PDZD2: variants seen among roughly 807,000 people sequenced by gnomAD.
PDZD2 encodes the protein PDZ domain containing 2, also known as PDZ domain-containing protein 2.
A neutral mutation model predicts 220.7 loss-of-function variants in PDZD2; 90 were observed. The observed-to-expected ratio is 0.41, with a 90% CI of 0.34 to 0.49. The LOEUF is 0.49. Ranked by LOEUF, PDZD2 falls within the 20% of genes least tolerant of loss-of-function variation. The pLI is 0.28. For missense variants in PDZD2, 3,174 were observed against 3,608.5 expected (o/e 0.88, Z 3.08); for synonymous variants, 1,375 against 1,450.5 (o/e 0.95, Z 1.18).
intron 2 of PDZD2, among the ~76,000 whole-genome samples, chr5:31,858,747 C>T (rs1048148636): frequency 1.4e-5 from 2 of 145,466 alleles, no homozygotes; most frequent in African/African-American, 5.0e-5. Flanking sequence ...GAGATGGAGT[C>T]TCCCTCTGTT....
intron 1 of PDZD2, among the ~76,000 whole-genome samples, chr5:31,795,026 G>A (rs1040317856): frequency 9.2e-5 from 14 of 152,188 alleles, no homozygotes; most frequent in Admixed American, 1.3e-4. Context: ...TGAATTTCGG[G>A]TGACCCTAGG....
In PDZD2 at chr5:31,639,198, G is replaced by A. The variant is rs572984638; in HGVS notation, c.-600G>A. 6.6e-5 allele frequency among the ~76,000 whole-genome samples: 10 copies of A among 151,988 alleles called. No homozygotes were observed. Among genetic ancestry groups the A allele is most frequent in the African/African-American group, 2.4e-4 (10 of 41,522 alleles). ...CCCAGCGCCGGTGCGTGCCGGCCCC[G>A]GGCAGCGGGACGCGGCGGGGCGGCG... On this transcript the variant is annotated 5_prime_UTR_variant, in exon 1 of 25. Transcript: ENST00000438447. The surrounding 1 kb of genome is among the most constrained non-coding windows in gnomAD (Gnocchi z 4.1).
rs372100139 is a variant in PDZD2, at chr5:32,048,604, C to T, written c.1585C>T (p.Arg529Trp). 30 of 1,613,872 alleles carry T rather than the reference C, an allele frequency of 1.9e-5. No individual in the cohort carries two copies. The highest frequency in any genetic ancestry group is 1.6e-4 in the Middle Eastern group (1 of 6,084). ...GCTGATGGTGCGGAATGGGGACCCC[C>T]GGATCCGGATGTTGGAGGTCTCCCG... Reference protein sequence around the residue: ...NELMVRNGDPRIRMLEVSRDG... With the variant: ...NELMVRNGDPWIRMLEVSRDG... The change falls in exon 8 of 25, where the codon CGG becomes TGG. Residue 529 changes from arginine (R) to tryptophan (W), a missense_variant. Coordinates refer to ENST00000438447, the MANE Select transcript of PDZD2 (RefSeq NM_178140.4).
intron 1 of PDZD2, among the ~76,000 whole-genome samples, chr5:31,786,155 T>C (rs13362096): frequency 0.024 from 3,579 of 152,244 alleles, 119 homozygotes; most frequent in African/African-American, 0.077. Context: ...TCAGTTGACA[T>C]AAGGTTGAAC....
Position 31,878,343 on chromosome 5 carries a change from A to G in PDZD2, c.476+78619A>G, listed in dbSNP as rs76501532. Reference sequence around the variant, plus strand: ...GGATCCATCCCTTCCCAGTGCTCCCATCAACCAGCCTATTTTACTAGAATG... The same window carrying G: ...GGATCCATCCCTTCCCAGTGCTCCCGTCAACCAGCCTATTTTACTAGAATG... On this transcript the variant is annotated intron_variant, in intron 2 of 24. Coordinates refer to ENST00000438447, the MANE Select transcript of PDZD2 (RefSeq NM_178140.4). 4.6e-3 allele frequency among the ~76,000 whole-genome samples: 698 copies of G among 152,094 alleles called. 16 individuals carry two copies. In the East Asian group the frequency reaches 0.058, roughly 13 times the overall value.
At chr5:32,074,688 ATG>A (rs1741123102) in intron 18 of PDZD2, 45 bp downstream of exon 18, 7 of 1,285,360 alleles carry the variant, frequency 5.4e-6, no homozygotes, top group Non-Finnish European at 7.6e-6. Flanking sequence ...GTGCATGAAT[ATG>A]TGTGAGTGAA....
rs192218575 is a variant in PDZD2, at chr5:31,959,222, C to T, written c.477-23933C>T. 2.5e-3 allele frequency among the ~76,000 whole-genome samples: 370 copies of T among 150,838 alleles called. 3 individuals carry two copies. Among genetic ancestry groups the T allele is most frequent in the Middle Eastern group, 0.01 (3 of 286 alleles). On this transcript the variant is annotated intron_variant, in intron 2 of 24. Coordinates refer to ENST00000438447, the MANE Select transcript of PDZD2 (RefSeq NM_178140.4). ...CTGGGATTACAGGCATGAGCCACTG[C>T]GCCTGGCAAAGCACTTTAATATATA...
intron 1 of PDZD2, among the ~76,000 whole-genome samples, chr5:31,717,726 C>T (rs894437373): frequency 6.6e-6 from 1 of 152,204 alleles, no homozygotes; most frequent in Admixed American, 6.5e-5. Flanking sequence ...CTCTGTGCCA[C>T]GCAGAGCCTG....
chr5:31,970,000 G>C (rs1249069768), intron 2 of PDZD2, among the ~76,000 whole-genome samples: 1 of 152,044 alleles, frequency 6.6e-6, no homozygotes, highest in African/African-American at 2.4e-5. Flanking sequence ...CCGGGTTCAA[G>C]CAGTTCTCCT....
intron 2 of PDZD2, among the ~76,000 whole-genome samples, chr5:31,813,469 AAAAAAAT>A (rs1279447894): frequency 2.6e-5 from 4 of 151,698 alleles, no homozygotes; most frequent in African/African-American, 9.7e-5. Context: ...AAAAAAAAAA[AAAAAAAT>A]CTAAATATTC....
At position 31,734,545 on chromosome 5, in the gene PDZD2, G is replaced by A. The variant is rs955330526; in HGVS notation, c.-360-64344G>A. ...TGTTGGCCAGGCTGGTCTCGAACTC[G>A]TGACCTCAGGTGATCCACCCACCTC... On this transcript the variant is annotated intron_variant, in intron 1 of 24. Transcript: ENST00000438447. Among the ~76,000 whole-genome samples the A allele has an allele frequency of 3.3e-5, 5 of 152,080 alleles. No individual in the cohort carries two copies. In the East Asian group the frequency reaches 5.8e-4, roughly 18 times the overall value.
At chr5:32,082,597 C>G (rs1742078649) in intron 19 of PDZD2, among the ~76,000 whole-genome samples, 1 of 152,086 alleles carries the variant, frequency 6.6e-6, no homozygotes, top group Non-Finnish European at 1.5e-5. Context: ...GGAACACAAT[C>G]TGGTACCTAA....
chr5:31,718,693 C>CT (rs1561404554), intron 1 of PDZD2, among the ~76,000 whole-genome samples: 1 of 130,484 alleles, frequency 7.7e-6, no homozygotes, highest in African/African-American at 2.8e-5. Flanking sequence ...GTAACAGCCT[C>CT]ATTTTTTTTT....
rs777915117 is a variant in PDZD2 at position 32,098,645 on chromosome 5, C to T, written c.8218+11C>T. The T allele has an allele frequency of 2.4e-5, 39 of 1,606,634 alleles. 3 individuals carry two copies. The South Asian group carries it at 4.3e-4, about 18-fold the overall frequency. ...TGGAGCCTGGCATTGGTAAGATGAT[C>T]ATTTCAACAACCAGCAGGCTGTGAG... On this transcript the variant is annotated intron_variant, in intron 23 of 24. Coordinates refer to ENST00000438447, the MANE Select transcript of PDZD2 (RefSeq NM_178140.4). The surrounding 1 kb of genome is among the most constrained non-coding windows in gnomAD (Gnocchi z 4.1).
At chr5:31,952,253 G>GCA (rs1394460432) in intron 2 of PDZD2, among the ~76,000 whole-genome samples, 5 of 152,220 alleles carry the variant, frequency 3.3e-5, no homozygotes, top group Admixed American at 3.3e-4. Context: ...ATTCTGAAAT[G>GCA]CAGGTTAGAG....
chr5:32,106,245 T>C, intron 24 of PDZD2: 1 of 153,050 alleles, frequency 6.5e-6, no homozygotes, highest in Non-Finnish European at 1.5e-5. Context: ...ACATGCAACC[T>C]AGATCCCTCG....
intron 14 of PDZD2, among the ~76,000 whole-genome samples, chr5:32,065,656 C>G (rs116086151): frequency 0.011 from 1,650 of 152,344 alleles, 31 homozygotes; most frequent in African/African-American, 0.038. Context: ...GCAAAGGCAA[C>G]TCTGCTTTTC....
intron 2 of PDZD2, among the ~76,000 whole-genome samples, chr5:31,873,573 A>ATTTG (rs1298702105): frequency 2.0e-5 from 3 of 150,554 alleles, no homozygotes; most frequent in African/African-American, 7.3e-5. Context: ...TTATTTATTT[A>ATTTG]TTTATTTAAT....
chr5:31,865,374 G>A (rs545958755), intron 2 of PDZD2, among the ~76,000 whole-genome samples: 25 of 151,764 alleles, frequency 1.6e-4, no homozygotes, highest in African/African-American at 3.9e-4. Flanking sequence ...GTGCAGTGGC[G>A]CCATCACAGC....
Sources: gnomAD v4.1 joint callset for allele counts (sites outside exome capture counted in the v4.1 genomes callset) on GRCh38, gnomAD v4.1.1 for gene constraint, Gnocchi (gnomAD v3.1) non-coding constraint, MANE v1.5 for transcripts, NCBI Gene and HGNC (gene_info 2026-07-23, HGNC 2026-07-21) for gene names.